The following PARD3B variants were observed in gnomAD, a reference collection of about 807,000 sequenced individuals.
The protein encoded by PARD3B is par-3 family cell polarity regulator beta, also known as partitioning defective 3 homolog B.
A neutral mutation model predicts 130.2 loss-of-function variants in PARD3B; 103 were observed. The ratio of observed to expected loss-of-function variants is 0.79; its 90% confidence interval spans 0.67 to 0.93. The LOEUF is 0.93. Ranked by LOEUF, PARD3B falls within the 40% of genes least tolerant of loss-of-function variation. The pLI, the probability that PARD3B is intolerant of heterozygous loss-of-function variation, is 0.00. For missense variants in PARD3B, 1,609 were observed against 1,499.2 expected, an observed-to-expected ratio of 1.07 and a Z score of -1.21; for synonymous variants, 583 against 553.2, an observed-to-expected ratio of 1.05 and a Z score of -0.76.
chr2:205,156,325 A>C (rs13401951), intron 10 of PARD3B, among the ~76,000 whole-genome samples: 9,274 of 150,236 alleles, frequency 0.062, 305 homozygotes, highest in African/African-American at 0.079. Context: ...TGACGAGTTA[A>C]TGGGTGCAGC....
intron 21 of PARD3B, among the ~76,000 whole-genome samples, chr2:205,521,233 T>C (rs1049449761): frequency 6.6e-6 from 1 of 152,060 alleles, no homozygotes; most frequent in Non-Finnish European, 1.5e-5. Context: ...TATGTTGTTT[T>C]CATTTCTTAA....
chr2:205,400,460 G>A (rs1322437260), intron 18 of PARD3B, among the ~76,000 whole-genome samples: 1 of 152,074 alleles, frequency 6.6e-6, no homozygotes, highest in Non-Finnish European at 1.5e-5. Flanking sequence ...CGCCAACGTG[G>A]TGAAACCCCG....
intron 1 of PARD3B, among the ~76,000 whole-genome samples, chr2:204,631,719 G>GT (rs1375368214): frequency 6.6e-6 from 1 of 152,126 alleles, no homozygotes; most frequent in East Asian, 1.9e-4. Flanking sequence ...GTACTTCAGT[G>GT]TTTTTTTGTA....
At chr2:204,950,372 A>T (rs1388995676) in intron 2 of PARD3B, among the ~76,000 whole-genome samples, 1 of 152,246 alleles carries the variant, frequency 6.6e-6, no homozygotes, top group African/African-American at 2.4e-5. Context: ...GAGAAGCTAA[A>T]TAACTTCCCT....
intron 18 of PARD3B, among the ~76,000 whole-genome samples, chr2:205,382,254 C>G (rs890801534): frequency 2.0e-5 from 3 of 151,884 alleles, no homozygotes; most frequent in African/African-American, 7.3e-5. Context: ...TCTTTCATGA[C>G]CTTGTTACTT....
intron 22 of PARD3B, among the ~76,000 whole-genome samples, chr2:205,570,464 G>A (rs2053522428): frequency 6.6e-6 from 1 of 152,176 alleles, no homozygotes; most frequent in African/African-American, 2.4e-5. Context: ...GTAGTTTATT[G>A]TGTGAAGGGT....
At chr2:204,836,111 T>C (rs6735981) in intron 2 of PARD3B, among the ~76,000 whole-genome samples, 43,355 of 152,146 alleles carry the variant, frequency 0.28, 11,232 homozygotes, top group African/African-American at 0.69. Flanking sequence ...TTTAGCTTCG[T>C]GGGCAACTTT....
chr2:204,591,123 T>C (rs2033057236), intron 1 of PARD3B, among the ~76,000 whole-genome samples: 1 of 152,224 alleles, frequency 6.6e-6, no homozygotes, highest in Non-Finnish European at 1.5e-5. Flanking sequence ...CAGCAAACTA[T>C]GTTTCTTTTT....
chr2:204,604,957 C>T (rs2033654967), intron 1 of PARD3B, among the ~76,000 whole-genome samples: 1 of 152,032 alleles, frequency 6.6e-6, no homozygotes, highest in South Asian at 2.1e-4. Context: ...ATGCCTGGCC[C>T]CTTGGTAGGG....
intron 16 of PARD3B, among the ~76,000 whole-genome samples, chr2:205,278,094 T>G (rs1440482112): frequency 6.6e-6 from 1 of 152,142 alleles, no homozygotes; most frequent in East Asian, 1.9e-4. Flanking sequence ...TAGCGAGTGC[T>G]GAGAAGAGAT....
intron 18 of PARD3B, among the ~76,000 whole-genome samples, chr2:205,363,125 G>A (rs760534733): frequency 1.3e-4 from 20 of 152,128 alleles, no homozygotes; most frequent in African/African-American, 2.4e-4. Context: ...TGTTCTCTTC[G>A]AAATCAAGCA....
intron 2 of PARD3B, among the ~76,000 whole-genome samples, chr2:204,745,294 T>G (rs770027087): frequency 5.3e-5 from 8 of 152,126 alleles, no homozygotes; most frequent in Non-Finnish European, 1.0e-4. Flanking sequence ...ATATGGACAT[T>G]GATAATAATA....
chr2:205,049,307 A>G (rs531023583), intron 4 of PARD3B, among the ~76,000 whole-genome samples: 55 of 152,274 alleles, frequency 3.6e-4, no homozygotes, highest in Non-Finnish European at 2.1e-4. Flanking sequence ...GGAAGCAAAC[A>G]TGTCCTTCTT....
intron 20 of PARD3B, 89 bp from the exon 21 acceptor site, chr2:205,499,807 G>A: frequency 7.6e-7 from 1 of 1,307,518 alleles, no homozygotes; most frequent in East Asian, 2.4e-5. Context: ...TCCAAATTTA[G>A]ATGTCAACTC....
intron 2 of PARD3B, among the ~76,000 whole-genome samples, chr2:204,716,241 C>A (rs1484578210): frequency 2.0e-5 from 3 of 151,962 alleles, no homozygotes; most frequent in Admixed American, 1.3e-4. Flanking sequence ...ATGGAGTTAA[C>A]AGTGTAGTGC....
At chr2:205,541,902 G>A (rs1375013911) in intron 21 of PARD3B, among the ~76,000 whole-genome samples, 1 of 151,818 alleles carries the variant, frequency 6.6e-6, no homozygotes, top group Non-Finnish European at 1.5e-5. Context: ...CCAGCACTTT[G>A]GGAGGCCGAG....
At chr2:205,111,748 T>A (rs1703663832) in intron 5 of PARD3B, among the ~76,000 whole-genome samples, 2 of 152,222 alleles carry the variant, frequency 1.3e-5, no homozygotes, top group Admixed American at 1.3e-4. Context: ...ATTTGTGTTG[T>A]GCTTTCAGTG....
At chr2:205,151,521 CTTCT>C (rs1241123480) in intron 10 of PARD3B, among the ~76,000 whole-genome samples, 1 of 152,266 alleles carries the variant, frequency 6.6e-6, no homozygotes, top group South Asian at 2.1e-4. Context: ...ATGTAATGAC[CTTCT>C]TTGTCTCTTT....
At chr2:205,052,425 A>ATATATATATATATATATATG (rs1699267851) in intron 4 of PARD3B, among the ~76,000 whole-genome samples, 19 of 14,468 alleles carry the variant, frequency 1.3e-3, no homozygotes, top group Non-Finnish European at 2.6e-3. Flanking sequence ...ATATGTATAT[A>ATATATATATATATATATATG]TATATATATA....
Sources: allele counts gnomAD v4.1 joint callset (sites outside exome capture counted in the v4.1 genomes callset), GRCh38; gene constraint gnomAD v4.1.1; transcripts MANE v1.5; gene names NCBI Gene and HGNC (gene_info 2026-07-23, HGNC 2026-07-21).